The following CHD6 variants were observed in gnomAD, a reference collection of about 807,000 sequenced individuals.
The protein encoded by CHD6 is chromodomain helicase DNA binding protein 6, also known as ATP-dependent chromatin remodeler CHD6.
CHD6 carries 50 observed loss-of-function variants against 276.9 expected under a neutral mutation model. The ratio of observed to expected loss-of-function variants is 0.18; its 90% CI spans 0.14 to 0.23. The LOEUF is 0.23. Ranked by LOEUF, CHD6 falls within the 10% of genes least tolerant of loss-of-function variation. The pLI, the probability that CHD6 is intolerant of heterozygous loss-of-function variation, is 1.00. For missense variants in CHD6, 2,564 were observed against 3,365.8 expected, an observed-to-expected ratio of 0.76 and a Z score of 5.89; for synonymous variants, 1,173 against 1,229.3, an observed-to-expected ratio of 0.95 and a Z score of 0.96.
At chr20:41,564,831 T>C (rs1190137653) in intron 1 of CHD6, among the ~76,000 whole-genome samples, 1 of 152,236 alleles carries the variant, frequency 6.6e-6, no homozygotes, top group African/African-American at 2.4e-5. Context: ...AGATAAGTGA[T>C]GGAGAGAGGC....
At chr20:41,543,102 C>CAAAAAAAA (rs568067367) in intron 2 of CHD6, among the ~76,000 whole-genome samples, 1 of 80,712 alleles carries the variant, frequency 1.2e-5, no homozygotes, top group Non-Finnish European at 2.5e-5. Context: ...GACTCTGTCT[C>CAAAAAAAA]AAAAAAAAAA....
intron 17 of CHD6, among the ~76,000 whole-genome samples, chr20:41,468,244 G>A (rs2042973512): frequency 6.6e-6 from 1 of 151,754 alleles, no homozygotes; most frequent in Admixed American, 6.6e-5. Flanking sequence ...CAAGTAGCTG[G>A]GATTACAGGT....
intron 1 of CHD6, among the ~76,000 whole-genome samples, chr20:41,568,853 G>C (rs1246431903): frequency 6.6e-6 from 1 of 152,126 alleles, no homozygotes; most frequent in African/African-American, 2.4e-5. Flanking sequence ...AGTCATTTCT[G>C]CCTCCTAAGA....
chr20:41,412,074 C>G lies in CHD6; in HGVS notation c.7251+70G>C, dbSNP rs1269297707. On this transcript the variant is annotated intron_variant, in intron 36 of 36. Transcript: ENST00000373233. The stretch of plus-strand genomic sequence containing the variant: ...CCCCTTCCCAGCTGGGGCTTTCTCT[C>G]AAGTATGTAAGGCACGGCTCAACCA... 4 of 1,577,436 alleles carry G rather than the reference C, an allele frequency of 2.5e-6. No homozygotes were observed. In the African/African-American group the frequency reaches 5.5e-5, roughly 22 times the overall value.
intron 14 of CHD6, among the ~76,000 whole-genome samples, chr20:41,486,500 A>G (rs2043418094): frequency 6.6e-6 from 1 of 152,184 alleles, no homozygotes; most frequent in Admixed American, 6.5e-5. Flanking sequence ...GCTCTGATGC[A>G]AGCCTGACTT....
Position 41,489,832 on chromosome 20 carries a change from G to A in CHD6, c.1626C>T (p.Ser542=), listed in dbSNP as rs2043506751. The change falls in exon 12 of 37, where the codon AGC becomes AGT. Residue 542 remains serine (S), a synonymous_variant. Coordinates refer to ENST00000373233, the MANE Select transcript of CHD6 (RefSeq NM_032221.5). Reference sequence around the variant, plus strand: ...GCTGGATCATCTGCCTGCTGATCTGGCTGCCGTGGTACACAATGGCATTCA... The same window carrying A: ...GCTGGATCATCTGCCTGCTGATCTGACTGCCGTGGTACACAATGGCATTCA... ...TEMNAIVYHG[S]QISRQMIQQY... 1 of 1,613,836 alleles carries A rather than the reference G, an allele frequency of 6.2e-7. No individual in the cohort carries two copies. Among genetic ancestry groups the A allele is most frequent in the African/African-American group, 1.3e-5 (1 of 74,872 alleles).
chr20:41,410,395 T>C (rs1600789130), intron 36 of CHD6, among the ~76,000 whole-genome samples: 2 of 152,236 alleles, frequency 1.3e-5, no homozygotes, highest in South Asian at 2.1e-4. Flanking sequence ...ACCTTGGACA[T>C]TTGGGTCTCC....
At chr20:41,544,939 T>C (rs1407538534) in intron 2 of CHD6, among the ~76,000 whole-genome samples, 1 of 152,112 alleles carries the variant, frequency 6.6e-6, no homozygotes, top group East Asian at 1.9e-4. Context: ...AGGATGGGCC[T>C]CTGAGGTCGA....
intron 3 of CHD6, among the ~76,000 whole-genome samples, chr20:41,527,815 A>G (rs1327498818): frequency 6.6e-6 from 1 of 152,224 alleles, no homozygotes; most frequent in Non-Finnish European, 1.5e-5. Flanking sequence ...TTGGGGTCTA[A>G]TAAGAGGAGA....
In CHD6 at chr20:41,405,047, G is replaced by C. The variant is rs372744290; in HGVS notation, c.7694C>G (p.Thr2565Ser). The C allele has an allele frequency of 7.9e-5, 127 of 1,614,224 alleles. No homozygotes were observed. Among genetic ancestry groups the C allele is most frequent in the Non-Finnish European group, 1.0e-4 (121 of 1,180,052 alleles). ...CGGCTTGTCTTCCGCAGTCTTTTCA[G>C]TCACTGCCGTACCACTTTTCGTTGT... Reference protein sequence around the residue: ...SSTTKSGTAVTEKTAEDKPSS... With the variant: ...SSTTKSGTAVSEKTAEDKPSS... Residue 2565 changes from threonine (T) to serine (S), a missense_variant, in exon 37 of 37, where the codon ACT (threonine) becomes AGT (serine). Physicochemically the swap from Thr to Ser is moderately conservative, Grantham distance 58. Around this residue, in one of 7 missense-constraint regions of CHD6, gnomAD observed 238 missense variants for 266.0 expected, o/e 0.89. Coordinates refer to ENST00000373233, the MANE Select transcript of CHD6 (RefSeq NM_032221.5).
At chr20:41,477,514 A>C (rs1250555881) in intron 16 of CHD6, among the ~76,000 whole-genome samples, 1 of 152,172 alleles carries the variant, frequency 6.6e-6, no homozygotes, top group African/African-American at 2.4e-5. Context: ...TAAAGACTTA[A>C]ATGAAAAAAA....
At chr20:41,503,190 GATGTT>G (rs1214360402) in intron 5 of CHD6, among the ~76,000 whole-genome samples, 3 of 152,074 alleles carry the variant, frequency 2.0e-5, no homozygotes, top group African/African-American at 7.2e-5. Flanking sequence ...ATCCTTTCCT[GATGTT>G]ATGTCGCTAG....
chr20:41,514,986 G>A (rs2145974972), intron 3 of CHD6, 34 bp from the exon 4 acceptor site: 2 of 1,608,958 alleles, frequency 1.2e-6, no homozygotes, highest in East Asian at 2.2e-5. Flanking sequence ...AAACTGTTGG[G>A]CAGTTTTTAA....
intron 27 of CHD6, 161 bp downstream of exon 27, chr20:41,437,113 A>G (rs2047733793): frequency 5.2e-6 from 3 of 580,238 alleles, no homozygotes; most frequent in Non-Finnish European, 9.2e-6. Context: ...TAAAAATGCA[A>G]TTGCAGTCTG....
At chr20:41,532,923 G>C in intron 3 of CHD6, 127 bp downstream of exon 3, 1 of 1,059,004 alleles carries the variant, frequency 9.4e-7, no homozygotes, top group East Asian at 2.6e-5. Context: ...TCCTATACAG[G>C]TGAGATGTGA....
intron 27 of CHD6, among the ~76,000 whole-genome samples, chr20:41,432,791 A>G (rs188590635): frequency 3.9e-4 from 59 of 152,352 alleles, no homozygotes; most frequent in Non-Finnish European, 7.1e-4. Flanking sequence ...ATGATCTGAC[A>G]TAAGAATTTA....
At chr20:41,471,011 G>A (rs1163471305) in intron 17 of CHD6, among the ~76,000 whole-genome samples, 4 of 152,226 alleles carry the variant, frequency 2.6e-5, no homozygotes, top group Non-Finnish European at 4.4e-5. Context: ...AGTCAGGTGA[G>A]CATCACAAAG....
At chr20:41,526,344 T>C (rs1405548307) in intron 3 of CHD6, among the ~76,000 whole-genome samples, 1 of 152,032 alleles carries the variant, frequency 6.6e-6, no homozygotes, top group Non-Finnish European at 1.5e-5. Context: ...TAAAAACAAG[T>C]CTCCCAACAG....
intron 32 of CHD6, 27 bp downstream of exon 32, chr20:41,417,171 G>C (rs1272118669): frequency 1.3e-6 from 2 of 1,594,812 alleles, no homozygotes; most frequent in African/African-American, 2.7e-5. Flanking sequence ...TTTGGGGGTA[G>C]GGTGGGAAAC....
Sources: gnomAD v4.1 joint callset for allele counts (sites outside exome capture counted in the v4.1 genomes callset) on GRCh38, gnomAD v4.1.1 for gene constraint, gnomAD v4.1.1 regional missense constraint, MANE v1.5 for transcripts, NCBI Gene and HGNC (gene_info 2026-07-23, HGNC 2026-07-21) for gene names.